Variants in CNTLN observed in about 807,000 individuals in gnomAD.
CNTLN encodes centlein, centrosomal protein.
A neutral mutation model predicts 180.0 loss-of-function variants in CNTLN; 212 were observed. The ratio of observed to expected loss-of-function variants is 1.18; its 90% CI spans 1.05 to 1.32. CNTLN has a LOEUF of 1.32. Ranked by LOEUF, CNTLN falls within the 40% of genes most tolerant of loss-of-function variation. The pLI, the probability that CNTLN is intolerant of heterozygous loss-of-function variation, is 0.00. For synonymous variants in CNTLN, 722 were observed against 563.1 expected, an observed-to-expected ratio of 1.28 and a Z score of -3.99; for missense variants, 2,095 against 1,610.9, an observed-to-expected ratio of 1.30 and a Z score of -5.14.
intron 18 of CNTLN, among the ~76,000 whole-genome samples, chr9:17,436,126 A>G (rs1051817020): frequency 6.6e-6 from 1 of 152,170 alleles, no homozygotes; most frequent in African/African-American, 2.4e-5. Flanking sequence ...CTAATTTTGT[A>G]TGTTCTATAG....
chr9:17,298,174 T>G lies in CNTLN; in HGVS notation c.984-16T>G. 1 of 1,418,260 alleles carries G rather than the reference T, an allele frequency of 7.1e-7. No homozygotes were observed. Among genetic ancestry groups the G allele is most frequent in the Non-Finnish European group, 9.3e-7 (1 of 1,079,148 alleles). 87.9% of individuals were successfully genotyped at this position (1,418,260 alleles called of 1,614,324 possible). ...TTTATCCATACTTTTCTCTATTTAT[T>G]GCTTGCTTTGCACAGGAAGGAACTG... On this transcript the variant is annotated splice_polypyrimidine_tract_variant and intron_variant, in intron 6 of 25. Transcript: ENST00000380647.
At chr9:17,308,621 T>C (rs1006923891) in intron 7 of CNTLN, among the ~76,000 whole-genome samples, 1 of 152,044 alleles carries the variant, frequency 6.6e-6, no homozygotes, top group African/African-American at 2.4e-5. Context: ...TACATAATTT[T>C]TTTTCACATT....
chr9:17,304,765 C>T (rs146798124), intron 7 of CNTLN, among the ~76,000 whole-genome samples: 2,053 of 152,206 alleles, frequency 0.013, 48 homozygotes, highest in African/African-American at 0.047. Context: ...CAACTATTTA[C>T]ATAGTGTTTA....
At chr9:17,268,028 C>G (rs1375183028) in intron 5 of CNTLN, among the ~76,000 whole-genome samples, 1 of 152,154 alleles carries the variant, frequency 6.6e-6, no homozygotes, top group East Asian at 1.9e-4. Flanking sequence ...AAGCCTTCTT[C>G]TCTCAACTTG....
intron 11 of CNTLN, among the ~76,000 whole-genome samples, chr9:17,341,671 C>T (rs1431609561): frequency 1.3e-5 from 2 of 152,064 alleles, no homozygotes; most frequent in South Asian, 2.1e-4. Flanking sequence ...CTAAATTGGC[C>T]AGTACGGCAC....
chr9:17,203,946 C>T (rs1177284068), intron 2 of CNTLN, among the ~76,000 whole-genome samples: 1 of 152,190 alleles, frequency 6.6e-6, no homozygotes, highest in African/African-American at 2.4e-5. Flanking sequence ...TCCACCTGAT[C>T]GATTTGGCTA....
chr9:17,295,765 A>G (rs1473488184), intron 6 of CNTLN, among the ~76,000 whole-genome samples: 1 of 152,090 alleles, frequency 6.6e-6, no homozygotes. Context: ...ATTGGTGTAC[A>G]TATCATCACT....
intron 18 of CNTLN, among the ~76,000 whole-genome samples, chr9:17,453,134 A>G (rs925412402): frequency 6.6e-6 from 1 of 152,106 alleles, no homozygotes; most frequent in African/African-American, 2.4e-5. Context: ...CAACACAGCA[A>G]GATCCCATAT....
At chr9:17,367,712 G>A (rs1000897709) in intron 13 of CNTLN, among the ~76,000 whole-genome samples, 1 of 152,138 alleles carries the variant, frequency 6.6e-6, no homozygotes, top group Non-Finnish European at 1.5e-5. Flanking sequence ...CTAGGCCCTA[G>A]CTCCTGGATG....
At chr9:17,340,713 G>A (rs192357550) in intron 10 of CNTLN, 114 bp from the exon 11 acceptor site, 2 of 795,178 alleles carry the variant, frequency 2.5e-6, no homozygotes, top group Admixed American at 3.7e-5. Flanking sequence ...ATTCATTTAT[G>A]TTTACACACT....
chr9:17,268,644 G>C (rs1827691640), intron 5 of CNTLN, among the ~76,000 whole-genome samples: 1 of 152,170 alleles, frequency 6.6e-6, no homozygotes, highest in South Asian at 2.1e-4. Context: ...CAGAGGTGGA[G>C]CCTACAGAGG....
intron 22 of CNTLN, among the ~76,000 whole-genome samples, chr9:17,466,442 G>A (rs935305373): frequency 3.3e-5 from 5 of 151,382 alleles, no homozygotes; most frequent in Admixed American, 2.0e-4. Flanking sequence ...ATGTTATGTG[G>A]AGGATCTTTT....
intron 8 of CNTLN, among the ~76,000 whole-genome samples, chr9:17,330,293 G>C (rs899969715): frequency 2.0e-5 from 3 of 151,952 alleles, no homozygotes; most frequent in Non-Finnish European, 4.4e-5. Flanking sequence ...TGACTGTTTT[G>C]TGAGGCAATA....
At chr9:17,502,075 C>T (rs1303276165) in intron 25 of CNTLN, among the ~76,000 whole-genome samples, 3 of 151,120 alleles carry the variant, frequency 2.0e-5, no homozygotes, top group Non-Finnish European at 2.9e-5. Context: ...TATACTTTTG[C>T]GATTTTTTCC....
chr9:17,525,450 G>T, the CNTLN span, among the ~76,000 whole-genome samples: 1 of 152,134 alleles, frequency 6.6e-6, no homozygotes, highest in East Asian at 1.9e-4. Flanking sequence ...GCATGATTCA[G>T]AGTTTTTAAA....
intron 2 of CNTLN, among the ~76,000 whole-genome samples, chr9:17,158,855 T>C (rs1269723000): frequency 2.6e-5 from 4 of 152,172 alleles, no homozygotes; most frequent in African/African-American, 9.6e-5. Context: ...TTTTCTTTTC[T>C]CTATTGTATT....
chr9:17,512,963 C>T, the CNTLN span, among the ~76,000 whole-genome samples: 1 of 152,030 alleles, frequency 6.6e-6, no homozygotes, highest in East Asian at 1.9e-4. Context: ...ACTACAGGCG[C>T]CCACCACTAT....
chr9:17,373,747 AC>A (rs1306102587), intron 13 of CNTLN, among the ~76,000 whole-genome samples: 1 of 152,216 alleles, frequency 6.6e-6, no homozygotes, highest in Non-Finnish European at 1.5e-5. Flanking sequence ...AGCTACAGTA[AC>A]TAAAACAGCA....
intron 7 of CNTLN, chr9:17,301,001 T>C (rs920815158): frequency 3.0e-6 from 3 of 984,110 alleles, no homozygotes; most frequent in Admixed American, 6.2e-5. Context: ...AAGAAAAGAA[T>C]GATGTATGTT....
Sources: allele counts gnomAD v4.1 joint callset (sites outside exome capture counted in the v4.1 genomes callset), GRCh38; gene constraint gnomAD v4.1.1; transcripts MANE v1.5; gene names NCBI Gene and HGNC (gene_info 2026-07-23, HGNC 2026-07-21).